The following STX7 variants were observed in gnomAD, a reference collection of about 807,000 sequenced individuals.
The protein encoded by STX7 is syntaxin 7, also known as syntaxin-7.
Under a neutral mutation model 39.6 loss-of-function variants are expected in STX7, and 34 were observed. That is an observed-to-expected ratio of 0.86 (90% confidence interval 0.65 to 1.14). STX7 has a LOEUF of 1.14. STX7 is among the 50% of genes most tolerant of loss of function. The pLI, the probability that STX7 is intolerant of heterozygous loss-of-function variation, is 0.00. For synonymous variants in STX7, 119 were observed against 99.1 expected (o/e 1.20, Z -1.19); for missense variants, 284 against 310.4 (o/e 0.92, Z 0.64).
At position 132,453,019 on chromosome 6, in the gene STX7, T is replaced by C. The variant is rs1000900469; in HGVS notation, c.*7739A>G. On this transcript the variant is annotated 3_prime_UTR_variant, in exon 10 of 10. Coordinates refer to ENST00000367941, the MANE Select transcript of STX7 (RefSeq NM_003569.3). ...TGGTGTTGGTGGAGGTATAGACACA[T>C]AGTCTAATGGAAAAGAATAGAAAAC... is the stretch of plus-strand genomic sequence containing the variant. The C allele has an allele frequency of 1.3e-5, 2 of 152,146 alleles. No homozygotes were observed. Among genetic ancestry groups the C allele is most frequent in the African/African-American group, 4.8e-5 (2 of 41,456 alleles). The allele number at this position is 152,146 out of a possible 1,614,324, so 9.4% of individuals were successfully genotyped here. A position where few individuals can be genotyped will look rare whatever the true frequency, so the allele number is the denominator to read the frequency against.
chr6:132,483,337 T>A (rs573889576), intron 2 of STX7, among the ~76,000 whole-genome samples: 2 of 152,228 alleles, frequency 1.3e-5, no homozygotes, highest in Non-Finnish European at 2.9e-5. Flanking sequence ...GTTTTATTTT[T>A]AAAATTTTTC....
At chr6:132,462,297 T>C (rs1302795393) in intron 9 of STX7, among the ~76,000 whole-genome samples, 1 of 152,200 alleles carries the variant, frequency 6.6e-6, no homozygotes, top group African/African-American at 2.4e-5. Flanking sequence ...AGCTGCCTCT[T>C]TTCTCAGCAC....
At chr6:132,477,611 C>A (rs2114397910) in intron 2 of STX7, among the ~76,000 whole-genome samples, 1 of 152,196 alleles carries the variant, frequency 6.6e-6, no homozygotes, top group African/African-American at 2.4e-5. Flanking sequence ...TGATCTTATA[C>A]ATGATCTTGG....
At position 132,468,551 on chromosome 6, in the gene STX7, C is replaced by G. The variant is rs1483737191; in HGVS notation, c.538-76G>C. On this transcript the variant is annotated intron_variant, in intron 7 of 9. Transcript: ENST00000367941. Reference sequence around the variant, plus strand: ...ATAAAAGAGGAAAAATTTTAAAAACCCAAACCACTACTCACACATGGGTGA... The same window carrying G: ...ATAAAAGAGGAAAAATTTTAAAAACGCAAACCACTACTCACACATGGGTGA... 4 of 1,049,854 alleles carry G rather than the reference C, an allele frequency of 3.8e-6. No homozygotes were observed. The African/African-American group carries it at 4.9e-5, about 13-fold the overall frequency. The allele number at this position is 1,049,854 out of a possible 1,614,324, so 65.0% of individuals were successfully genotyped here. A position where few individuals can be genotyped will look rare whatever the true frequency, so the allele number is the denominator to read the frequency against.
At chr6:132,487,773 C>T (rs751648517) in intron 2 of STX7, among the ~76,000 whole-genome samples, 38 of 152,076 alleles carry the variant, frequency 2.5e-4, no homozygotes, top group Non-Finnish European at 8.8e-5. Flanking sequence ...TATATCATCT[C>T]TCTCATTCCT....
rs1775582923 is a variant in STX7, at chr6:132,502,237, T to A, written c.85+1209A>T. On this transcript the variant is annotated intron_variant, in intron 2 of 9. Transcript: ENST00000367941. ...GGAACAGCTGTTGAGGAGTTAATGA[T>A]TAGATAAAGAAACAGAGTATGGTCA... Among the ~76,000 whole-genome samples the A allele has an allele frequency of 1.3e-5, 2 of 152,206 alleles. 1 individual carries two copies. The highest frequency in any genetic ancestry group is 4.1e-4 in the South Asian group (2 of 4,832).
chr6:132,487,496 G>A (rs541944402), intron 2 of STX7, among the ~76,000 whole-genome samples: 2 of 152,252 alleles, frequency 1.3e-5, no homozygotes, highest in South Asian at 4.1e-4. Flanking sequence ...GGGCAGGGGA[G>A]GGAGAGCATT....
intron 2 of STX7, among the ~76,000 whole-genome samples, chr6:132,493,962 A>G (rs1360948709): frequency 6.6e-6 from 1 of 152,250 alleles, no homozygotes; most frequent in Non-Finnish European, 1.5e-5. Context: ...ATTACTGAGC[A>G]TAGATCATGT....
rs1774159703 is a variant in STX7, at chr6:132,452,758, T to C, written c.*8000A>G. ...ACTGAAATGAAGTGAAGTGATCCTG[T>C]GATCATGATCGGGAAGGCTTAACAT... On this transcript the variant is annotated 3_prime_UTR_variant, in exon 10 of 10. Coordinates refer to ENST00000367941, the MANE Select transcript of STX7 (RefSeq NM_003569.3). The C allele has an allele frequency of 6.6e-6, 1 of 152,294 alleles. No individual in the cohort carries two copies. Among genetic ancestry groups the C allele is most frequent in the Non-Finnish European group, 1.5e-5 (1 of 67,992 alleles). 9.4% of individuals were successfully genotyped at this position (152,294 alleles called of 1,614,324 possible).
intron 2 of STX7, among the ~76,000 whole-genome samples, chr6:132,498,070 G>C (rs138386203): frequency 1.3e-3 from 202 of 152,224 alleles, no homozygotes; most frequent in African/African-American, 4.0e-3. Flanking sequence ...CTATGCCATG[G>C]GTAAAAGATG....
In STX7 at chr6:132,458,889, G is replaced by GT. The variant is rs1554246023; in HGVS notation, c.*1868_*1869insA. ...CTTCAAATAAAGGTACTAAAATCAC[G>GT]CCCCCCAAATTTGTAAGCGCTTTTG... On this transcript the variant is annotated 3_prime_UTR_variant, in exon 10 of 10. Transcript: ENST00000367941. 2.0e-5 allele frequency: 3 copies of GT among 151,912 alleles called. No individual in the cohort carries two copies. The highest frequency in any genetic ancestry group is 2.9e-5 in the Non-Finnish European group (2 of 67,986). The allele number at this position is 151,912 out of a possible 1,614,324, so 9.4% of individuals were successfully genotyped here.
intron 1 of STX7, among the ~76,000 whole-genome samples, chr6:132,504,833 T>C (rs1009704886): frequency 2.0e-5 from 3 of 152,066 alleles, no homozygotes; most frequent in African/African-American, 4.8e-5. Context: ...ATTTATGAAA[T>C]AGAAACATAG....
intron 3 of STX7, among the ~76,000 whole-genome samples, chr6:132,474,241 A>G (rs1774813552): frequency 6.6e-6 from 1 of 151,444 alleles, no homozygotes; most frequent in Admixed American, 6.6e-5. Flanking sequence ...AAAAAAAAAA[A>G]AAAAAAAAAA....
At chr6:132,482,775 G>GA (rs1250517464) in intron 2 of STX7, among the ~76,000 whole-genome samples, 1 of 152,140 alleles carries the variant, frequency 6.6e-6, no homozygotes, top group African/African-American at 2.4e-5. Context: ...CTTCCCAGCT[G>GA]AAAGTGATCA....
At chr6:132,512,243 T>C (rs1562345135) in intron 1 of STX7, among the ~76,000 whole-genome samples, 1 of 152,080 alleles carries the variant, frequency 6.6e-6, no homozygotes, top group Non-Finnish European at 1.5e-5. Flanking sequence ...CGATCTGAGG[T>C]AAACAAAAAT....
At chr6:132,477,049 G>A (rs1260594593) in intron 2 of STX7, among the ~76,000 whole-genome samples, 1 of 152,040 alleles carries the variant, frequency 6.6e-6, no homozygotes. Flanking sequence ...GATAATTTTG[G>A]TCACCGCGAA....
At chr6:132,469,058 T>C (rs535461982) in intron 7 of STX7, among the ~76,000 whole-genome samples, 7 of 152,332 alleles carry the variant, frequency 4.6e-5, no homozygotes, top group African/African-American at 1.7e-4. Flanking sequence ...AAAGTTTTTA[T>C]AAGGACTAAA....
chr6:132,460,938 C>A, intron 9 of STX7, 88 bp from the exon 10 acceptor site: 2 of 1,163,730 alleles, frequency 1.7e-6, no homozygotes, highest in South Asian at 2.8e-5. Flanking sequence ...TAATTTGGTT[C>A]ATTTCTAGAG....
At chr6:132,485,084 G>A (rs773832790) in intron 2 of STX7, among the ~76,000 whole-genome samples, 8 of 152,130 alleles carry the variant, frequency 5.3e-5, no homozygotes, top group Non-Finnish European at 1.0e-4. Context: ...GGACATATGT[G>A]TACATCTGTA....
Sources: allele counts gnomAD v4.1 joint callset (sites outside exome capture counted in the v4.1 genomes callset), GRCh38; gene constraint gnomAD v4.1.1; transcripts MANE v1.5; gene names NCBI Gene and HGNC (gene_info 2026-07-23, HGNC 2026-07-21).